AJUBA: variants seen among roughly 807,000 people sequenced by gnomAD.
AJUBA encodes ajuba LIM protein.
A neutral mutation model predicts 53.3 loss-of-function variants in AJUBA; 20 were observed. The observed-to-expected ratio is 0.38, with a 90% CI of 0.26 to 0.55. The LOEUF is 0.55. Among genes scored for constraint, AJUBA ranks in the 20% least tolerant of loss-of-function variants. The pLI, the probability that AJUBA is intolerant of heterozygous loss-of-function variation, is 0.80. For missense variants in AJUBA, 580 were observed against 730.5 expected (o/e 0.79, Z 2.38); for synonymous variants, 296 against 306.2 (o/e 0.97, Z 0.35).
chr14:22,974,981 A>T lies in AJUBA; in HGVS notation c.1363T>A (p.Tyr455Asn). Residue 455 changes from tyrosine (Y) to asparagine (N), a missense_variant, in exon 5 of 8, where the codon TAC becomes AAC. Physicochemically the swap from Tyr to Asn is moderately radical, Grantham distance 143 (BLOSUM62 -2). Coordinates refer to ENST00000262713, the MANE Select transcript of AJUBA (RefSeq NM_032876.6). ...CCCAAGGGGCAGACTCACTTGTGGT[A>T]GTCGGTGACACAGTATACTTGGTTG... ...FSNQVYCVTDYHKNYAPKCAA... is the reference protein window; with the variant it reads ...FSNQVYCVTDNHKNYAPKCAA... 1 of 1,614,232 alleles carries T rather than the reference A, an allele frequency of 6.2e-7. No homozygotes were observed. The highest frequency in any genetic ancestry group is 8.5e-7 in the Non-Finnish European group (1 of 1,180,004).
In AJUBA at chr14:22,974,853, T is replaced by C. The variant is rs370899035; in HGVS notation, c.1408A>G (p.Ile470Val). 1.9e-6 allele frequency: 3 copies of C among 1,612,792 alleles called. No homozygotes were observed. The highest frequency in any genetic ancestry group is 2.5e-6 in the Non-Finnish European group (3 of 1,179,848). The change falls in exon 6 of 8, where the codon ATC (isoleucine) becomes GTC (valine). Residue 470 changes from isoleucine (I) to valine (V), a missense_variant. Physicochemically the swap from Ile to Val is conservative, Grantham distance 29. Transcript: ENST00000262713. Reference protein sequence around the residue: ...APKCAACGQPILPSEGCEDIV... With the variant: ...APKCAACGQPVLPSEGCEDIV... ...GACATACTGACCTCAGAGGGGAGGATGGGTTGGCCACAGGCTGCACACTTA... is the reference window on the plus strand; with the variant it reads ...GACATACTGACCTCAGAGGGGAGGACGGGTTGGCCACAGGCTGCACACTTA...
chr14:22,974,105 T>C lies in AJUBA; in HGVS notation c.1433A>G (p.Asp478Gly), dbSNP rs2045011633. The C allele has an allele frequency of 1.9e-6, 3 of 1,614,080 alleles. No homozygotes were observed. Among genetic ancestry groups the C allele is most frequent in the Non-Finnish European group, 2.5e-6 (3 of 1,180,000 alleles). ...GTCCATGGATATCACCCTCACGATG[T>C]CCTCACAGCCCTGAAACATGCAGAC... ...QPILPSEGCE[D>G]IVRVISMDRD... The change falls in exon 7 of 8, where the codon GAC (aspartate) becomes GGC (glycine). Residue 478 changes from aspartate (D) to glycine (G), a missense_variant. Physicochemically the swap from Asp to Gly is moderately conservative, Grantham distance 94. This residue lies in a region of AJUBA where 150 missense variants were observed against 259.0 expected (regional missense o/e 0.58). Coordinates refer to ENST00000262713, the MANE Select transcript of AJUBA (RefSeq NM_032876.6).
At chr14:22,975,168 T>C (rs550809065) in intron 4 of AJUBA, 64 bp from the exon 5 acceptor site, 4 of 1,573,998 alleles carry the variant, frequency 2.5e-6, no homozygotes, top group African/African-American at 2.7e-5. Context: ...CTGCCCATTA[T>C]GCTCCTTATT....
intron 4 of AJUBA, 91 bp from the exon 5 acceptor site, chr14:22,975,195 T>G: frequency 3.3e-6 from 5 of 1,497,144 alleles, no homozygotes; most frequent in Non-Finnish European, 3.6e-6. Flanking sequence ...ATTAACCTCA[T>G]CCAACCCGCT....
intron 5 of AJUBA, 37 bp from the exon 6 acceptor site, chr14:22,974,927 G>A: frequency 6.2e-7 from 1 of 1,613,948 alleles, no homozygotes; most frequent in Non-Finnish European, 8.5e-7. Context: ...TGAGGCTGGG[G>A]AATCCCTGGA....
At chr14:22,975,266 G>T in intron 4 of AJUBA, 162 bp from the exon 5 acceptor site, 2 of 1,016,910 alleles carry the variant, frequency 2.0e-6, no homozygotes, top group Non-Finnish European at 1.4e-6. Flanking sequence ...TGGAGGCGGA[G>T]ACCCTGAAAA....
Position 22,982,118 on chromosome 14 carries a change from C to G in AJUBA, c.149G>C (p.Arg50Pro). The change falls in exon 1 of 8, where the codon CGA becomes CCA. Residue 50 changes from arginine to proline, a missense_variant. Around this residue, in one of 2 missense-constraint regions of AJUBA, gnomAD observed 430 missense variants for 471.5 expected, o/e 0.91. Transcript: ENST00000262713. ...GLGGPRKSGP[R>P]GATGGPGDEP... ...ATCCCCAGGTCCCCCAGTAGCTCCT[C>G]GGGGCCCTGACTTCCTAGGTCCCCC... is the stretch of plus-strand genomic sequence containing the variant. The G allele has an allele frequency of 6.2e-7, 1 of 1,601,676 alleles. No individual in the cohort carries two copies.
intron 7 of AJUBA, 84 bp downstream of exon 7, chr14:22,973,963 A>C: frequency 5.4e-6 from 8 of 1,493,538 alleles, no homozygotes; most frequent in Non-Finnish European, 6.5e-6. Context: ...CCTCTCCCAT[A>C]GATGTCTGGT....
In AJUBA at chr14:22,973,872, T is replaced by C. The variant is rs117241709; in HGVS notation, c.1491+175A>G. Reference sequence around the variant, plus strand: ...TCAGATTCAGAAAGGACTAAGCTACTTGGACCAGAGAGAGTGGCTGGAGGA... The same window carrying C: ...TCAGATTCAGAAAGGACTAAGCTACCTGGACCAGAGAGAGTGGCTGGAGGA... On this transcript the variant is annotated intron_variant, in intron 7 of 7. Transcript: ENST00000262713. Among the ~76,000 whole-genome samples, 78 of 152,244 alleles carry C rather than the reference T, an allele frequency of 5.1e-4. No individual in the cohort carries two copies. The highest frequency in any genetic ancestry group is 8.7e-4 in the Non-Finnish European group (59 of 68,014).
intron 7 of AJUBA, 132 bp from the exon 8 acceptor site, chr14:22,973,700 G>A: frequency 1.6e-6 from 2 of 1,236,184 alleles, no homozygotes; most frequent in Non-Finnish European, 2.2e-6. Flanking sequence ...GGGAAGGATG[G>A]AAGGGATGGA....
rs934555907 is a variant in AJUBA at position 22,978,593 on chromosome 14, G to A, written c.1007-148C>T. The A allele has an allele frequency of 6.6e-5, 94 of 1,421,500 alleles. 1 individual carries two copies. The South Asian group carries it at 9.8e-4, about 15-fold the overall frequency. The allele number at this position is 1,421,500 out of a possible 1,614,324, so 88.1% of individuals were successfully genotyped here. ...GAGTAGAGAAGATAACGAGTAATGA[G>A]ATGCAGCAAGATCTTGGCTGAGCAG... On this transcript the variant is annotated intron_variant, in intron 1 of 7. Coordinates refer to ENST00000262713, the MANE Select transcript of AJUBA (RefSeq NM_032876.6).
At chr14:22,978,946 G>A (rs760503324) in intron 1 of AJUBA, 10 of 1,289,154 alleles carry the variant, frequency 7.8e-6, no homozygotes, top group Non-Finnish European at 1.0e-5. Flanking sequence ...GTTATAGAAT[G>A]ATTTCTCTCC....
rs546140531 is a variant in AJUBA, at chr14:22,976,510, C to T, written c.1185G>A (p.Gly395=). ...AGCATTTCTCAGCTGCCTCCTGAAA[C>T]CCTGAAAACTAAAGTAAAAGACAAG... ...VYCEEDYLFS[G]FQEAAEKCCV... is the part of the protein sequence containing the mutation. The change falls in exon 4 of 8, where the codon GGG becomes GGA. Residue 395 remains glycine (G), a synonymous_variant. Coordinates refer to ENST00000262713, the MANE Select transcript of AJUBA (RefSeq NM_032876.6). 1 of 1,614,090 alleles carries T rather than the reference C, an allele frequency of 6.2e-7. No individual in the cohort carries two copies. Among genetic ancestry groups the T allele is most frequent in the Non-Finnish European group, 8.5e-7 (1 of 1,180,016 alleles).
rs1374143043 is a variant in AJUBA, at chr14:22,978,475, C to G, written c.1007-30G>C. On this transcript the variant is annotated intron_variant, in intron 1 of 7. Transcript: ENST00000262713. Reference sequence around the variant, plus strand: ...GAAGAGAAAAGTGTCACACTCTACTCCCCCAGGTCAAAACCAGGGATTCCC... The same window carrying G: ...GAAGAGAAAAGTGTCACACTCTACTGCCCCAGGTCAAAACCAGGGATTCCC... 3.8e-6 allele frequency: 6 copies of G among 1,594,546 alleles called. No homozygotes were observed. In the African/African-American group the frequency reaches 5.4e-5, roughly 14 times the overall value.
rs1008069562 is a variant in AJUBA, at chr14:22,981,835, CA to C, written c.431del (p.Leu144ArgfsTer98). On this transcript the variant is annotated frameshift_variant, in exon 1 of 8. Transcript: ENST00000262713. LOFTEE classifies it high-confidence loss of function. ...KPSSPRGSLL[L>X]DGAGAGGAGG... Reference sequence around the variant, plus strand: ...CAGCTCCGCCAGCCCCCGCCCCGTCCAGCAGCAGGCTGCCCCGGGGGCTGGA... The same window carrying C: ...CAGCTCCGCCAGCCCCCGCCCCGTCCGCAGCAGGCTGCCCCGGGGGCTGGA... 1.3e-6 allele frequency: 2 copies of C among 1,533,648 alleles called. No individual in the cohort carries two copies. The highest frequency in any genetic ancestry group is 2.8e-5 in the African/African-American group (2 of 72,694).
intron 4 of AJUBA, 194 bp from the exon 5 acceptor site, chr14:22,975,298 C>G: frequency 1.5e-6 from 1 of 660,170 alleles, no homozygotes; most frequent in East Asian, 2.9e-5. Flanking sequence ...AGCATTCAGG[C>G]CAGCAGTGTT....
intron 1 of AJUBA, among the ~76,000 whole-genome samples, chr14:22,980,135 G>C (rs1238961834): frequency 6.6e-6 from 1 of 152,108 alleles, no homozygotes; most frequent in African/African-American, 2.4e-5. Context: ...CTACAGCATG[G>C]GGTCCAGGAG....
intron 7 of AJUBA, among the ~76,000 whole-genome samples, chr14:22,973,810 G>A (rs1375509409): frequency 6.6e-6 from 1 of 152,174 alleles, no homozygotes; most frequent in African/African-American, 2.4e-5. Context: ...AGTTTGACCA[G>A]AGTCCCTAGT....
chr14:22,978,296 G>A lies in AJUBA; in HGVS notation c.1108+48C>T, dbSNP rs577069427. 4.5e-6 allele frequency: 7 copies of A among 1,539,574 alleles called. No homozygotes were observed. The South Asian group carries it at 7.9e-5, about 17-fold the overall frequency. On this transcript the variant is annotated intron_variant, in intron 2 of 7. Transcript: ENST00000262713. ...TGTTCCCCATAGCACTTGTAAGTGT[G>A]TATGTGGGCAGGGGAGGGGAGTGCT...
Sources: gnomAD v4.1 joint callset for allele counts (sites outside exome capture counted in the v4.1 genomes callset) on GRCh38, gnomAD v4.1.1 for gene constraint, gnomAD v4.1.1 regional missense constraint, MANE v1.5 for transcripts, NCBI Gene and HGNC (gene_info 2026-07-23, HGNC 2026-07-21) for gene names.